The following PHTF1 variants were observed in gnomAD, a reference collection of about 807,000 sequenced individuals.
PHTF1 encodes protein PHTF1.
PHTF1 carries 88 observed loss-of-function variants against 102.4 expected under a neutral mutation model. That is an observed-to-expected ratio of 0.86 (90% confidence interval 0.72 to 1.03). The LOEUF (loss-of-function observed/expected upper bound fraction) is 1.03. PHTF1 is among the 50% of genes least tolerant of loss of function. PHTF1 has a pLI of 0.00. For missense variants in PHTF1, 814 were observed against 909.5 expected (o/e 0.89, Z 1.35); for synonymous variants, 289 against 305.2 (o/e 0.95, Z 0.55).
intron 5 of PHTF1, among the ~76,000 whole-genome samples, chr1:113,735,102 A>C (rs1655263619): frequency 6.6e-6 from 1 of 152,094 alleles, no homozygotes. Flanking sequence ...GTGGTGGCTC[A>C]CACCTGTAAT....
chr1:113,724,712 T>A, intron 7 of PHTF1, 47 bp downstream of exon 7: 1 of 1,490,472 alleles, frequency 6.7e-7, no homozygotes, highest in South Asian at 1.3e-5. Context: ...TACTATACAT[T>A]CTGTAAACAC....
chr1:113,703,947 C>A, intron 15 of PHTF1, 134 bp downstream of exon 15: 2 of 501,556 alleles, frequency 4.0e-6, no homozygotes, highest in South Asian at 4.8e-5. Context: ...GAAAAATTAC[C>A]AAACATCCAA....
At chr1:113,703,584 C>A (rs1218932068) in intron 15 of PHTF1, among the ~76,000 whole-genome samples, 1 of 151,972 alleles carries the variant, frequency 6.6e-6, no homozygotes, top group East Asian at 1.9e-4. Context: ...TGGTCTTCAA[C>A]TCCTGGCCTC....
chr1:113,753,974 A>G (rs1658480611), intron 3 of PHTF1, among the ~76,000 whole-genome samples: 1 of 152,214 alleles, frequency 6.6e-6, no homozygotes, highest in Non-Finnish European at 1.5e-5. Flanking sequence ...CCCAGCAACT[A>G]GGCTCATTTA....
At chr1:113,723,177 A>ATT (rs1186819562) in intron 7 of PHTF1, among the ~76,000 whole-genome samples, 10 of 135,768 alleles carry the variant, frequency 7.4e-5, no homozygotes, top group South Asian at 2.3e-4. Context: ...CAGTGAACTC[A>ATT]TTTTTTTTTT....
At chr1:113,731,080 C>A (rs1049323035) in intron 5 of PHTF1, among the ~76,000 whole-genome samples, 4 of 152,054 alleles carry the variant, frequency 2.6e-5, no homozygotes, top group Admixed American at 6.6e-5. Context: ...TGGAAATAAA[C>A]AGTGGGTAAT....
chr1:113,711,614 T>C (rs1231640314), intron 10 of PHTF1, 132 bp downstream of exon 10: 4 of 641,538 alleles, frequency 6.2e-6, no homozygotes, highest in African/African-American at 1.8e-5. Context: ...GATAAGGAGA[T>C]GGGTAATTGG....
intron 5 of PHTF1, among the ~76,000 whole-genome samples, chr1:113,734,964 T>A (rs746074429): frequency 6.6e-6 from 1 of 152,194 alleles, no homozygotes; most frequent in Admixed American, 6.5e-5. Context: ...AAAATAAATT[T>A]GTGTTGTTGA....
chr1:113,735,365 CAAAAAAAAAAAAAAAA>C (rs749964684), intron 5 of PHTF1, among the ~76,000 whole-genome samples: 2 of 28,444 alleles, frequency 7.0e-5, no homozygotes, highest in East Asian at 4.8e-3. Flanking sequence ...GACTCTGTCT[CAAAAAAAAAAAAAAAA>C]AAAAAAAAAA....
chr1:113,759,198 G>T lies in PHTF1; in HGVS notation c.-206C>A. 1 of 566,572 alleles carries T rather than the reference G, an allele frequency of 1.8e-6. No homozygotes were observed. Among genetic ancestry groups the T allele is most frequent in the Non-Finnish European group, 2.2e-6 (1 of 446,622 alleles). 35.1% of individuals were successfully genotyped at this position (566,572 alleles called of 1,614,324 possible). A position where few individuals can be genotyped will look rare whatever the true frequency, so the allele number is the denominator to read the frequency against. Reference sequence around the variant, plus strand: ...CGCGGAGGCCGCCCCAGCTTCGGAGGCAGCCGGCCGCCCAGCGCCCTGAGG... The same window carrying T: ...CGCGGAGGCCGCCCCAGCTTCGGAGTCAGCCGGCCGCCCAGCGCCCTGAGG... On this transcript the variant is annotated 5_prime_UTR_variant, in exon 1 of 19. Transcript: ENST00000369604.
chr1:113,738,672 T>G lies in PHTF1; in HGVS notation c.172+58A>C, dbSNP rs999317054. On this transcript the variant is annotated intron_variant, in intron 4 of 18. Transcript: ENST00000369604. ...CATCATATAGAGAAGATATTGAAAA[T>G]TAAGCATCCCTGTGAAATAATATAA... 5 of 992,196 alleles carry G rather than the reference T, an allele frequency of 5.0e-6. No homozygotes were observed. The African/African-American group carries it at 8.2e-5, about 16-fold the overall frequency. 61.5% of individuals were successfully genotyped at this position (992,196 alleles called of 1,614,324 possible). A position where few individuals can be genotyped will look rare whatever the true frequency, so the allele number is the denominator to read the frequency against.
intron 3 of PHTF1, among the ~76,000 whole-genome samples, chr1:113,740,899 C>T (rs895700493): frequency 1.3e-5 from 2 of 152,000 alleles, no homozygotes; most frequent in Non-Finnish European, 2.9e-5. Context: ...GGCATGGTGG[C>T]GGGCACCTGT....
At chr1:113,707,020 T>C (rs1395567370) in intron 11 of PHTF1, among the ~76,000 whole-genome samples, 1 of 152,022 alleles carries the variant, frequency 6.6e-6, no homozygotes, top group Non-Finnish European at 1.5e-5. Flanking sequence ...CATTTTTCCT[T>C]ACTAAGCCAT....
chr1:113,712,497 A>G (rs1651282139), intron 8 of PHTF1, among the ~76,000 whole-genome samples: 1 of 152,232 alleles, frequency 6.6e-6, no homozygotes, highest in Non-Finnish European at 1.5e-5. Context: ...AATAAATGAG[A>G]TAAGTTAGTA....
rs114362354 is a variant in PHTF1, at chr1:113,734,405, T to G, written c.331+3705A>C. Among the ~76,000 whole-genome samples, 863 of 152,336 alleles carry G rather than the reference T, an allele frequency of 5.7e-3. 1 individual carries two copies. The highest frequency in any genetic ancestry group is 0.024 in the Middle Eastern group (7 of 294). ...AGGTAAAGTCCATTCTGATGAGGTCTCAGATAGAAATGAGAAATAATATGT... is the reference window on the plus strand; with the variant it reads ...AGGTAAAGTCCATTCTGATGAGGTCGCAGATAGAAATGAGAAATAATATGT... On this transcript the variant is annotated intron_variant, in intron 5 of 18. Transcript: ENST00000369604.
intron 7 of PHTF1, among the ~76,000 whole-genome samples, chr1:113,719,621 A>G (rs1482073570): frequency 6.6e-6 from 1 of 152,194 alleles, no homozygotes; most frequent in Non-Finnish European, 1.5e-5. Context: ...TATCACTATC[A>G]GCATTGCTGT....
At chr1:113,741,527 C>T (rs1258864667) in intron 3 of PHTF1, among the ~76,000 whole-genome samples, 1 of 152,192 alleles carries the variant, frequency 6.6e-6, no homozygotes, top group African/African-American at 2.4e-5. Flanking sequence ...TGTACCAGTG[C>T]TATTCCCCAT....
intron 5 of PHTF1, among the ~76,000 whole-genome samples, chr1:113,731,542 AAAGAAAG>A (rs1654645090): frequency 6.6e-6 from 1 of 151,050 alleles, no homozygotes; most frequent in African/African-American, 2.4e-5. Context: ...ATTTTAAAAA[AAAGAAAG>A]AAAGAAAGAA....
intron 3 of PHTF1, among the ~76,000 whole-genome samples, chr1:113,742,182 T>C (rs765705354): frequency 3.9e-5 from 6 of 152,218 alleles, no homozygotes; most frequent in Non-Finnish European, 8.8e-5. Flanking sequence ...ATCTTGATGG[T>C]AAAGCTTACT....
Sources: gnomAD v4.1 joint callset for allele counts (sites outside exome capture counted in the v4.1 genomes callset) on GRCh38, gnomAD v4.1.1 for gene constraint, MANE v1.5 for transcripts, NCBI Gene and HGNC (gene_info 2026-07-23, HGNC 2026-07-21) for gene names.